GPATCH2: variants seen among roughly 807,000 people sequenced by gnomAD.
GPATCH2 encodes the protein G patch domain-containing protein 2.
Under a neutral mutation model 58.0 loss-of-function variants are expected in GPATCH2, and 51 were observed. That is an observed-to-expected ratio of 0.88 (90% CI 0.70 to 1.11). The LOEUF (loss-of-function observed/expected upper bound fraction) is 1.11, where lower values mean the gene tolerates loss of function less well. Among genes scored for constraint, GPATCH2 ranks in the 50% most tolerant of loss-of-function variants. The pLI, the probability that GPATCH2 is intolerant of heterozygous loss-of-function variation, is 0.00. For synonymous variants in GPATCH2, 222 were observed against 218.5 expected, an observed-to-expected ratio of 1.02 and a Z score of -0.14; for missense variants, 625 against 652.2, an observed-to-expected ratio of 0.96 and a Z score of 0.45.
chr1:217,618,976 A>G (rs1669043419), intron 2 of GPATCH2, among the ~76,000 whole-genome samples: 1 of 151,836 alleles, frequency 6.6e-6, no homozygotes, highest in Non-Finnish European at 1.5e-5. Flanking sequence ...AAAAAAAAAA[A>G]GATAGCAGCC....
chr1:217,463,131 C>T (rs1046644076), intron 8 of GPATCH2, among the ~76,000 whole-genome samples: 14 of 151,982 alleles, frequency 9.2e-5, no homozygotes, highest in African/African-American at 2.7e-4. Context: ...AGAAACTCTG[C>T]GGTTGAGATC....
intron 5 of GPATCH2, among the ~76,000 whole-genome samples, chr1:217,591,891 T>C (rs1374711846): frequency 6.6e-6 from 1 of 152,082 alleles, no homozygotes. Context: ...ATAAGTCAGA[T>C]TATTTTTAAA....
intron 5 of GPATCH2, among the ~76,000 whole-genome samples, chr1:217,602,389 T>C (rs1668150160): frequency 6.6e-6 from 1 of 152,132 alleles, no homozygotes; most frequent in African/African-American, 2.4e-5. Context: ...TCCCCATCAG[T>C]TGGTAAGCTC....
chr1:217,508,591 A>G (rs906597682), intron 6 of GPATCH2, among the ~76,000 whole-genome samples: 4 of 152,192 alleles, frequency 2.6e-5, no homozygotes, highest in Non-Finnish European at 5.9e-5. Context: ...CCATGTACAG[A>G]GTACATAAAT....
rs1210539618 is a variant in GPATCH2, at chr1:217,620,466, A to G, written c.90T>C (p.His30=). The part of the protein sequence containing the change: ...HFSRTMEELV[H]DLVSALEESS... Reference sequence around the variant, plus strand: ...TCTCTTCCAATGCTGAGACAAGGTCATGAACCAGCTCCTCCATGGTTCTAC... The same window carrying G: ...TCTCTTCCAATGCTGAGACAAGGTCGTGAACCAGCTCCTCCATGGTTCTAC... The change falls in exon 2 of 10, where the codon CAT becomes CAC. Residue 30 remains histidine, a synonymous_variant. Coordinates refer to ENST00000366935, the MANE Select transcript of GPATCH2 (RefSeq NM_018040.5). The G allele has an allele frequency of 1.2e-6, 2 of 1,612,972 alleles. No individual in the cohort carries two copies. The highest frequency in any genetic ancestry group is 2.2e-5 in the South Asian group (2 of 90,994).
chr1:217,512,026 C>T (rs1438600622), intron 6 of GPATCH2, among the ~76,000 whole-genome samples: 1 of 152,092 alleles, frequency 6.6e-6, no homozygotes, highest in Non-Finnish European at 1.5e-5. Flanking sequence ...CCAAATGAAC[C>T]TATAAAACAT....
At chr1:217,548,106 C>T (rs1665154916) in intron 5 of GPATCH2, among the ~76,000 whole-genome samples, 1 of 152,110 alleles carries the variant, frequency 6.6e-6, no homozygotes, top group Non-Finnish European at 1.5e-5. Flanking sequence ...TTTACCTAGT[C>T]TCATGTAGTT....
chr1:217,502,865 T>G (rs1662373279), intron 6 of GPATCH2, among the ~76,000 whole-genome samples: 1 of 152,154 alleles, frequency 6.6e-6, no homozygotes, highest in Non-Finnish European at 1.5e-5. Context: ...TTCAGTTCCA[T>G]GCCCCACCCT....
chr1:217,487,458 T>A (rs932686204), intron 8 of GPATCH2, among the ~76,000 whole-genome samples: 3 of 148,750 alleles, frequency 2.0e-5, no homozygotes, highest in Non-Finnish European at 4.5e-5. Flanking sequence ...GGAGTTTCAC[T>A]CTTGTTGCCC....
intron 5 of GPATCH2, among the ~76,000 whole-genome samples, chr1:217,591,085 A>G (rs897368182): frequency 2.6e-5 from 4 of 152,232 alleles, no homozygotes; most frequent in African/African-American, 9.6e-5. Context: ...CACCAAGATC[A>G]TATTAGAATT....
At chr1:217,568,013 A>G (rs1666339748) in intron 5 of GPATCH2, among the ~76,000 whole-genome samples, 1 of 152,128 alleles carries the variant, frequency 6.6e-6, no homozygotes, top group Non-Finnish European at 1.5e-5. Flanking sequence ...GCTACTCAGG[A>G]GGCTGAGGCA....
chr1:217,590,975 A>T (rs1007774706), intron 5 of GPATCH2, among the ~76,000 whole-genome samples: 1 of 152,210 alleles, frequency 6.6e-6, no homozygotes, highest in Non-Finnish European at 1.5e-5. Context: ...AAGTAGAAGC[A>T]CTAGTGGCAA....
intron 5 of GPATCH2, among the ~76,000 whole-genome samples, chr1:217,524,427 G>C (rs906141232): frequency 3.3e-5 from 5 of 151,750 alleles, no homozygotes; most frequent in Non-Finnish European, 7.4e-5. Context: ...TGGGCGGCCA[G>C]GCAGAGACGC....
intron 5 of GPATCH2, among the ~76,000 whole-genome samples, chr1:217,545,309 C>T (rs1235700920): frequency 1.3e-5 from 2 of 152,164 alleles, no homozygotes; most frequent in East Asian, 1.9e-4. Context: ...GCAGGAGTTC[C>T]GTCAATGGAC....
At chr1:217,621,207 G>A (rs1295851237) in intron 1 of GPATCH2, among the ~76,000 whole-genome samples, 1 of 152,166 alleles carries the variant, frequency 6.6e-6, no homozygotes, top group African/African-American at 2.4e-5. Flanking sequence ...AAATTATCCA[G>A]TAGTCAGCAA....
In GPATCH2 at chr1:217,437,028, T is replaced by C. The variant is rs988706762; in HGVS notation, c.1367-5663A>G. Among the ~76,000 whole-genome samples the C allele has an allele frequency of 2.0e-4, 31 of 151,948 alleles. 1 individual carries two copies. Among genetic ancestry groups the C allele is most frequent in the Admixed American group, 1.7e-3 (26 of 15,272 alleles). On this transcript the variant is annotated intron_variant, in intron 9 of 9. Coordinates refer to ENST00000366935, the MANE Select transcript of GPATCH2 (RefSeq NM_018040.5). ...GTGATTTCTGCATTTCCAGCTGAGG[T>C]ACCTGGTTCATCTCACTGGGACTGG...
Position 217,593,657 on chromosome 1 carries a change from G to T in GPATCH2, c.1098+16664C>A, listed in dbSNP as rs138175628. 1.2e-3 allele frequency among the ~76,000 whole-genome samples: 178 copies of T among 152,100 alleles called. 2 individuals are homozygous for T. The East Asian group carries it at 0.031, about 26-fold the overall frequency. On this transcript the variant is annotated intron_variant, in intron 5 of 9. Coordinates refer to ENST00000366935, the MANE Select transcript of GPATCH2 (RefSeq NM_018040.5). ...ACCACCCATGCGGTAAATAATGCGG[G>T]ATTAGAAATATTTAGTGTTTTGTTT...
chr1:217,460,159 C>T (rs1168095799), intron 8 of GPATCH2, among the ~76,000 whole-genome samples: 1 of 152,058 alleles, frequency 6.6e-6, no homozygotes, highest in Non-Finnish European at 1.5e-5. Flanking sequence ...CTCATAAAAA[C>T]CCATTACATA....
At chr1:217,584,932 C>T (rs925103088) in intron 5 of GPATCH2, among the ~76,000 whole-genome samples, 1 of 150,790 alleles carries the variant, frequency 6.6e-6, no homozygotes, top group Non-Finnish European at 1.5e-5. Flanking sequence ...AACAAAAGGA[C>T]CCAGAAAGGT....
Sources: allele counts gnomAD v4.1 joint callset (sites outside exome capture counted in the v4.1 genomes callset), GRCh38; gene constraint gnomAD v4.1.1; transcripts MANE v1.5; gene names NCBI Gene and HGNC (gene_info 2026-07-23, HGNC 2026-07-21).